Variants in MRE11 observed in about 807,000 individuals in gnomAD.
MRE11 encodes the protein MRE11 double strand break repair nuclease.
In MRE11, 62 loss-of-function variants were observed where a neutral mutation model predicts 91.7. That is an observed-to-expected ratio of 0.68 (90% CI 0.55 to 0.84). MRE11 has a LOEUF of 0.84. Among genes scored for constraint, MRE11 ranks in the 40% least tolerant of loss-of-function variants. The probability of loss-of-function intolerance (pLI) is 0.00; values close to 1 mark genes in which losing one functional copy is unlikely to be tolerated. For synonymous variants in MRE11, 273 were observed against 271.4 expected (o/e 1.01, Z -0.06); for missense variants, 796 against 852.9 (o/e 0.93, Z 0.83).
chr11:94,510,191 T>C, the MRE11 span, among the ~76,000 whole-genome samples: 1 of 152,218 alleles, frequency 6.6e-6, no homozygotes, highest in East Asian at 1.9e-4. Flanking sequence ...TAACTACTTC[T>C]ATTAAAGCTA....
At chr11:94,422,323 C>CCA (rs1945191875) in intron 19 of MRE11, among the ~76,000 whole-genome samples, 1 of 152,178 alleles carries the variant, frequency 6.6e-6, no homozygotes, top group South Asian at 2.1e-4. Context: ...CAGACGCGAT[C>CCA]TGGAACTGGA....
chr11:94,445,933 C>A (rs1427154780), intron 15 of MRE11, 40 bp from the exon 16 acceptor site: 1 of 1,408,358 alleles, frequency 7.1e-7, no homozygotes, highest in African/African-American at 1.4e-5. Flanking sequence ...AGCCTATCAG[C>A]AGCTAAGGTT....
chr11:94,501,841 G>A, the MRE11 span, among the ~76,000 whole-genome samples: 1 of 151,898 alleles, frequency 6.6e-6, no homozygotes, highest in South Asian at 2.1e-4. Context: ...TTATTTAAAT[G>A]TAAAAATCAT....
intron 3 of MRE11, among the ~76,000 whole-genome samples, chr11:94,489,323 A>C (rs1199699556): frequency 6.6e-6 from 1 of 151,796 alleles, no homozygotes; most frequent in Non-Finnish European, 1.5e-5. Flanking sequence ...GCCGGTGTGG[A>C]TGTAGCACTG....
chr11:94,464,912 C>T (rs1009642510), intron 10 of MRE11, among the ~76,000 whole-genome samples: 1 of 152,208 alleles, frequency 6.6e-6, no homozygotes, highest in Non-Finnish European at 1.5e-5. Flanking sequence ...CACTGCACCA[C>T]CTCACAGCTT....
At position 94,475,872 on chromosome 11, in the gene MRE11, T is replaced by C. The variant is rs115338961; in HGVS notation, c.659+417A>G. 4.6e-3 allele frequency among the ~76,000 whole-genome samples: 705 copies of C among 152,268 alleles called. 2 individuals carry two copies. Among genetic ancestry groups the C allele is most frequent in the African/African-American group, 0.015 (628 of 41,554 alleles). ...TCAGTAATGTAATGCTGAACATAAG[T>C]TGGCTGTAAATATAGCATAATATGA... On this transcript the variant is annotated intron_variant, in intron 7 of 19. Coordinates refer to ENST00000323929, the MANE Select transcript of MRE11 (RefSeq NM_005591.4).
At chr11:94,466,757 T>G (rs961984444) in intron 10 of MRE11, among the ~76,000 whole-genome samples, 1 of 152,154 alleles carries the variant, frequency 6.6e-6, no homozygotes, top group African/African-American at 2.4e-5. Context: ...TAAAATACAG[T>G]GGGTTCTGAT....
the MRE11 span, among the ~76,000 whole-genome samples, chr11:94,508,868 T>C: frequency 2.0e-5 from 3 of 151,992 alleles, no homozygotes; most frequent in East Asian, 3.9e-4. Flanking sequence ...TTCAAGCCAT[T>C]CTCCTGCCTC....
intron 19 of MRE11, among the ~76,000 whole-genome samples, chr11:94,425,631 A>G (rs1945293655): frequency 6.6e-6 from 1 of 152,234 alleles, no homozygotes; most frequent in African/African-American, 2.4e-5. Context: ...ACACAGGCTC[A>G]AAGTAAAGGG....
chr11:94,436,929 T>A (rs1222321663), intron 17 of MRE11, among the ~76,000 whole-genome samples: 1 of 152,116 alleles, frequency 6.6e-6, no homozygotes, highest in African/African-American at 2.4e-5. Flanking sequence ...AACACTGTTA[T>A]CCTTGAAAAC....
upstream of MRE11, chr11:94,496,792 T>A: frequency 6.2e-7 from 1 of 1,614,026 alleles, no homozygotes; most frequent in East Asian, 2.2e-5. Context: ...TGGAAACACA[T>A]GGACACCTTA....
chr11:94,434,789 T>C (rs893757756), intron 18 of MRE11, among the ~76,000 whole-genome samples: 1 of 152,204 alleles, frequency 6.6e-6, no homozygotes, highest in Admixed American at 6.5e-5. Context: ...AATTCATTCT[T>C]TGATGAATTC....
At chr11:94,496,543 T>C (rs1947420876), upstream of MRE11, 1 of 680,648 alleles carries the variant, frequency 1.5e-6, no homozygotes, top group Non-Finnish European at 2.4e-6. Flanking sequence ...AAGACTTATC[T>C]ATGCAGTTGA....
intron 14 of MRE11, among the ~76,000 whole-genome samples, chr11:94,453,681 T>C (rs575535696): frequency 8.5e-5 from 13 of 152,224 alleles, no homozygotes; most frequent in Admixed American, 3.9e-4. Context: ...TTGTTACTGT[T>C]GAGCTTTAGA....
chr11:94,459,364 A>G, intron 13 of MRE11, 44 bp downstream of exon 13: 1 of 1,603,450 alleles, frequency 6.2e-7, no homozygotes, highest in Non-Finnish European at 8.5e-7. Context: ...ACTCTTAAAG[A>G]CAGACTATTT....
At chr11:94,502,832 C>T in the MRE11 span, among the ~76,000 whole-genome samples, 1 of 152,080 alleles carries the variant, frequency 6.6e-6, no homozygotes, top group African/African-American at 2.4e-5. Context: ...CGCTACCATG[C>T]CCAGCTAATT....
intron 10 of MRE11, among the ~76,000 whole-genome samples, chr11:94,465,195 T>C (rs1946529324): frequency 6.6e-6 from 1 of 152,202 alleles, no homozygotes; most frequent in Non-Finnish European, 1.5e-5. Flanking sequence ...TATATGACAA[T>C]ATGTGCTGTT....
At chr11:94,466,795 C>T (rs1183100714) in intron 10 of MRE11, among the ~76,000 whole-genome samples, 1 of 152,134 alleles carries the variant, frequency 6.6e-6, no homozygotes, top group Non-Finnish European at 1.5e-5. Flanking sequence ...GCATTTTTAA[C>T]AATTTCCCAG....
chr11:94,459,519 G>T lies in MRE11; in HGVS notation c.1389C>A (p.Asp463Glu), dbSNP rs1226046388. The T allele has an allele frequency of 6.2e-7, 1 of 1,613,936 alleles. No homozygotes were observed. Among genetic ancestry groups the T allele is most frequent in the Non-Finnish European group, 8.5e-7 (1 of 1,179,898 alleles). The change falls in exon 13 of 20, where the codon GAC becomes GAA. Residue 463 changes from aspartate to glutamate, a missense_variant. Coordinates refer to ENST00000323929, the MANE Select transcript of MRE11 (RefSeq NM_005591.4). ...CCTCAATGGCATCTTTCTCCTCCTT[G>T]TCCACAAATTCTTGTACTGCTTCAC... The part of the protein sequence containing the change: ...GMGEAVQEFV[D>E]KEEKDAIEEL...
Sources: gnomAD v4.1 joint callset for allele counts (sites outside exome capture counted in the v4.1 genomes callset) on GRCh38, gnomAD v4.1.1 for gene constraint, MANE v1.5 for transcripts, NCBI Gene and HGNC (gene_info 2026-07-23, HGNC 2026-07-21) for gene names.